SOCS5: variants seen among roughly 807,000 people sequenced by gnomAD.
The protein encoded by SOCS5 is CIS-6.
In SOCS5, 32 loss-of-function variants were observed where a neutral mutation model predicts 42.8. The ratio of observed to expected loss-of-function variants is 0.75; its 90% CI spans 0.56 to 1.01. The LOEUF is 1.01. Ranked by LOEUF, SOCS5 falls within the 50% of genes least tolerant of loss-of-function variation. The probability of loss-of-function intolerance (pLI) is 0.00; values close to 1 mark genes in which losing one functional copy is unlikely to be tolerated. For missense variants in SOCS5, 627 were observed against 653.0 expected, an observed-to-expected ratio of 0.96 and a Z score of 0.43; for synonymous variants, 283 against 229.6, an observed-to-expected ratio of 1.23 and a Z score of -2.10.
chr2:46,749,568 C>T (rs896890342), intron 1 of SOCS5, among the ~76,000 whole-genome samples: 2 of 152,142 alleles, frequency 1.3e-5, no homozygotes, highest in African/African-American at 2.4e-5. Context: ...GAAAATGAAG[C>T]ATAACCTCTT....
At chr2:46,736,638 A>G (rs1292862935) in intron 1 of SOCS5, among the ~76,000 whole-genome samples, 1 of 152,136 alleles carries the variant, frequency 6.6e-6, no homozygotes, top group South Asian at 2.1e-4. Context: ...TCCATGTTGT[A>G]GCATGTGTTA....
chr2:46,752,842 A>G (rs556191659), intron 1 of SOCS5, among the ~76,000 whole-genome samples: 3 of 152,186 alleles, frequency 2.0e-5, no homozygotes, highest in Non-Finnish European at 2.9e-5. Flanking sequence ...CAGCATCTCT[A>G]TTCATGCATT....
At chr2:46,717,904 C>G (rs1015909931) in intron 1 of SOCS5, among the ~76,000 whole-genome samples, 1 of 152,198 alleles carries the variant, frequency 6.6e-6, no homozygotes, top group Non-Finnish European at 1.5e-5. Context: ...TATTCTTTCA[C>G]TGGTCTGATG....
chr2:46,727,539 G>T (rs1471736637), intron 1 of SOCS5, among the ~76,000 whole-genome samples: 2 of 152,184 alleles, frequency 1.3e-5, no homozygotes, highest in Non-Finnish European at 2.9e-5. Flanking sequence ...CCTTCAAGTT[G>T]CAGCCAGCTT....
At chr2:46,734,494 A>G (rs1327860733) in intron 1 of SOCS5, among the ~76,000 whole-genome samples, 1 of 152,184 alleles carries the variant, frequency 6.6e-6, no homozygotes, top group Non-Finnish European at 1.5e-5. Flanking sequence ...CATTGGCCTT[A>G]GTTCACTTTA....
rs77989501 is a variant in SOCS5, at chr2:46,727,743, G to A, written c.-13+28294G>A. 1.5e-3 allele frequency among the ~76,000 whole-genome samples: 231 copies of A among 152,244 alleles called. 5 individuals carry two copies. The East Asian group carries it at 0.042, about 28-fold the overall frequency. ...TGAGATCCATGCCATGTTCAGCTCT[G>A]GGATGAAGCCAGGAGTTTATAATCA... is the stretch of plus-strand genomic sequence containing the variant. On this transcript the variant is annotated intron_variant, in intron 1 of 1. Coordinates refer to ENST00000394861, the MANE Select transcript of SOCS5 (RefSeq NM_144949.3).
chr2:46,745,124 G>A (rs1199291227), intron 1 of SOCS5, among the ~76,000 whole-genome samples: 1 of 152,036 alleles, frequency 6.6e-6, no homozygotes, highest in Non-Finnish European at 1.5e-5. Flanking sequence ...AGATTTCAGA[G>A]AATGTCTTAA....
intron 1 of SOCS5, among the ~76,000 whole-genome samples, chr2:46,708,787 T>G (rs2103693388): frequency 6.6e-6 from 1 of 152,124 alleles, no homozygotes; most frequent in East Asian, 1.9e-4. Flanking sequence ...CAAATGCACT[T>G]CCTTATCCCT....
chr2:46,754,381 G>A (rs1185862055), intron 1 of SOCS5, among the ~76,000 whole-genome samples: 2 of 152,052 alleles, frequency 1.3e-5, no homozygotes, highest in African/African-American at 4.8e-5. Flanking sequence ...TTCAGCAGCA[G>A]AAGTATTTCA....
intron 1 of SOCS5, among the ~76,000 whole-genome samples, chr2:46,743,306 C>A (rs1010341260): frequency 1.3e-5 from 2 of 152,128 alleles, no homozygotes; most frequent in Non-Finnish European, 2.9e-5. Flanking sequence ...AAGAATGGCT[C>A]TTCCATAGAG....
chr2:46,709,319 A>C (rs895656984), intron 1 of SOCS5, among the ~76,000 whole-genome samples: 6 of 152,172 alleles, frequency 3.9e-5, no homozygotes, highest in Admixed American at 3.9e-4. Flanking sequence ...TTCTCCCCCA[A>C]AGGTTCTGCT....
At chr2:46,723,403 A>T (rs974617312) in intron 1 of SOCS5, among the ~76,000 whole-genome samples, 1 of 152,022 alleles carries the variant, frequency 6.6e-6, no homozygotes, top group East Asian at 1.9e-4. Flanking sequence ...TGAAAGTTTT[A>T]TAGGTTTGCA....
intron 1 of SOCS5, among the ~76,000 whole-genome samples, chr2:46,727,144 C>CTTTTTTTTTTT (rs759203329): frequency 1.2e-4 from 10 of 86,410 alleles, no homozygotes; most frequent in African/African-American, 3.7e-4. Context: ...TTGGAGCCTT[C>CTTTTTTTTTTT]TTTTTTTTTT....
upstream of SOCS5, chr2:46,699,216 G>A (rs1672284818): frequency 6.6e-6 from 1 of 152,478 alleles, no homozygotes. This position sits in a 1 kb window ranked among gnomAD's most constrained non-coding sequence, Gnocchi z 4.8. Flanking sequence ...GAGGGGAAAC[G>A]GGTGAAGAAG....
Position 46,760,354 on chromosome 2 carries a change from C to T in SOCS5, c.*213C>T, listed in dbSNP as rs558915482. The T allele has an allele frequency of 8.3e-6, 4 of 480,218 alleles. No homozygotes were observed. The South Asian group carries it at 1.8e-4, about 22-fold the overall frequency. 29.7% of individuals were successfully genotyped at this position (480,218 alleles called of 1,614,324 possible). On this transcript the variant is annotated 3_prime_UTR_variant, in exon 2 of 2. Transcript: ENST00000394861. ...ATAGAGCTACAGGTGTTCAGTAAGA[C>T]TACAAAAACATTTTGCCTATTTCGC...
chr2:46,726,586 T>C (rs1163445776), intron 1 of SOCS5, among the ~76,000 whole-genome samples: 1 of 152,150 alleles, frequency 6.6e-6, no homozygotes, highest in Non-Finnish European at 1.5e-5. Context: ...AAGGTTCTTA[T>C]GGCTCTCTGT....
chr2:46,708,426 G>A (rs972459350), intron 1 of SOCS5, among the ~76,000 whole-genome samples: 5 of 152,108 alleles, frequency 3.3e-5, no homozygotes, highest in African/African-American at 1.2e-4. Flanking sequence ...AATATCAGTT[G>A]GAAATACGGG....
intron 1 of SOCS5, among the ~76,000 whole-genome samples, chr2:46,718,095 TTG>T (rs10539315): frequency 0.99 from 148,183 of 150,322 alleles, 73,035 homozygotes; most frequent in African/African-American, 0.99. Flanking sequence ...TTCTTGTGTT[TTG>T]TGTGTGTGTG....
chr2:46,712,336 CTTTTTTTTTTTTT>C (rs70940636), intron 1 of SOCS5, among the ~76,000 whole-genome samples: 2 of 64,954 alleles, frequency 3.1e-5, no homozygotes, highest in African/African-American at 6.6e-5. Context: ...GGATGTTTAG[CTTTTTTTTTTTTT>C]TTTTTTTTTT....
Sources: gnomAD v4.1 joint callset for allele counts (sites outside exome capture counted in the v4.1 genomes callset) on GRCh38, gnomAD v4.1.1 for gene constraint, Gnocchi (gnomAD v3.1) non-coding constraint, MANE v1.5 for transcripts, NCBI Gene and HGNC (gene_info 2026-07-23, HGNC 2026-07-21) for gene names.